Variants in RNF13 observed in about 807,000 individuals in gnomAD.
The protein encoded by RNF13 is E3 ubiquitin-protein ligase RNF13.
In RNF13, 19 loss-of-function variants were observed where a neutral mutation model predicts 37.7. The ratio of observed to expected loss-of-function variants is 0.50; its 90% CI spans 0.35 to 0.74. RNF13 has a LOEUF of 0.74. RNF13 is among the 30% of genes least tolerant of loss of function. RNF13 has a pLI of 0.01. For missense variants in RNF13, 375 were observed against 453.0 expected, an observed-to-expected ratio of 0.83 and a Z score of 1.56; for synonymous variants, 144 against 157.8, an observed-to-expected ratio of 0.91 and a Z score of 0.65.
chr3:149,813,547 A>C (rs760737996), intron 1 of RNF13, among the ~76,000 whole-genome samples, 194 bp downstream of exon 1: 1 of 152,144 alleles, frequency 6.6e-6, no homozygotes, highest in Non-Finnish European at 1.5e-5. Flanking sequence ...CGGGGGACCG[A>C]GTCTCCCCTG....
intron 1 of RNF13, among the ~76,000 whole-genome samples, chr3:149,824,400 A>T (rs1435740385): frequency 6.6e-6 from 1 of 152,242 alleles, no homozygotes; most frequent in Admixed American, 6.5e-5. Context: ...GTCCTTAAAA[A>T]TGGAAGAGGG....
chr3:149,865,422 A>C (rs919827893), intron 3 of RNF13, among the ~76,000 whole-genome samples: 71 of 151,550 alleles, frequency 4.7e-4, no homozygotes, highest in African/African-American at 1.7e-3. Context: ...TATTTAAGAT[A>C]TAACCTCAAA....
intron 1 of RNF13, among the ~76,000 whole-genome samples, chr3:149,835,671 G>A (rs1477403889): frequency 6.7e-6 from 1 of 148,368 alleles, no homozygotes; most frequent in East Asian, 2.1e-4. Flanking sequence ...GTGTGTTTGT[G>A]TGTGTGTGTG....
At chr3:149,941,660 G>A (rs1339153002) in intron 8 of RNF13, among the ~76,000 whole-genome samples, 1 of 150,940 alleles carries the variant, frequency 6.6e-6, no homozygotes, top group Non-Finnish European at 1.5e-5. Flanking sequence ...TCACTCTGTC[G>A]ATCATGTCTG....
At chr3:149,903,937 ATCTGTCTGTCTG>A (rs34025145) in intron 6 of RNF13, among the ~76,000 whole-genome samples, 2,460 of 148,472 alleles carry the variant, frequency 0.017, 63 homozygotes, top group African/African-American at 0.059. Flanking sequence ...ATATCTGTCT[ATCTGTCTGTCTG>A]TCTGTCTGTC....
chr3:149,939,411 CTCT>C (rs767291919), intron 8 of RNF13: 45 of 525,812 alleles, frequency 8.6e-5, no homozygotes, highest in Non-Finnish European at 1.5e-4. Context: ...TCACATACTC[CTCT>C]TCTTCATCTT....
intron 1 of RNF13, among the ~76,000 whole-genome samples, chr3:149,838,309 C>T (rs891349252): frequency 6.6e-6 from 1 of 152,206 alleles, no homozygotes; most frequent in African/African-American, 2.4e-5. Flanking sequence ...CCTCTTCTCA[C>T]AGCTCCACCA....
At chr3:149,912,501 A>T (rs1284008859) in intron 7 of RNF13, among the ~76,000 whole-genome samples, 1 of 152,174 alleles carries the variant, frequency 6.6e-6, no homozygotes, top group Non-Finnish European at 1.5e-5. Flanking sequence ...TGCATGCCAA[A>T]GTATTTTAGG....
At chr3:149,909,669 G>A (rs1442452416) in intron 6 of RNF13, among the ~76,000 whole-genome samples, 1 of 151,976 alleles carries the variant, frequency 6.6e-6, no homozygotes, top group Non-Finnish European at 1.5e-5. Context: ...ATAATGGAAA[G>A]CATTAATAGG....
intron 1 of RNF13, among the ~76,000 whole-genome samples, chr3:149,815,266 A>T (rs976334932): frequency 2.9e-4 from 44 of 152,334 alleles, no homozygotes; most frequent in Non-Finnish European, 1.5e-5. Context: ...CTTTGAGTTA[A>T]GTTGGCTAGG....
chr3:149,900,642 G>A (rs936447762), intron 5 of RNF13, among the ~76,000 whole-genome samples: 2 of 151,902 alleles, frequency 1.3e-5, no homozygotes, highest in African/African-American at 4.8e-5. Context: ...TGACATAACA[G>A]GATATCTGAG....
At chr3:149,869,620 G>A (rs1711778524) in intron 3 of RNF13, among the ~76,000 whole-genome samples, 1 of 151,422 alleles carries the variant, frequency 6.6e-6, no homozygotes, top group Admixed American at 6.6e-5. Context: ...AAAAAAAAAA[G>A]TTCACATATT....
chr3:149,845,896 A>G (rs1206160486), intron 1 of RNF13, 115 bp from the exon 2 acceptor site: 1 of 574,724 alleles, frequency 1.7e-6, no homozygotes, highest in Non-Finnish European at 3.1e-6. Flanking sequence ...TTTTAATGTT[A>G]ATACATGTTT....
chr3:149,823,798 C>T (rs1720225143), intron 1 of RNF13, among the ~76,000 whole-genome samples: 1 of 152,086 alleles, frequency 6.6e-6, no homozygotes, highest in Non-Finnish European at 1.5e-5. Context: ...CTTTGGAAGA[C>T]ATTATATTAT....
chr3:149,812,769 GC>G (rs954263910), upstream of RNF13: 15 of 152,766 alleles, frequency 9.8e-5, no homozygotes, highest in African/African-American at 3.6e-4. Flanking sequence ...CCAGGGCCAG[GC>G]CCGCCCGGGG....
intron 3 of RNF13, among the ~76,000 whole-genome samples, chr3:149,869,011 TGTA>T (rs1318486928): frequency 6.6e-6 from 1 of 151,818 alleles, no homozygotes; most frequent in Non-Finnish European, 1.5e-5. Context: ...TTCTTTATCT[TGTA>T]GGAGATCTTT....
At chr3:149,882,052 C>T (rs186076510) in intron 4 of RNF13, among the ~76,000 whole-genome samples, 72 of 151,392 alleles carry the variant, frequency 4.8e-4, no homozygotes, top group African/African-American at 1.7e-3. Flanking sequence ...TGGAGGAAGT[C>T]CAGAATAACT....
At chr3:149,820,581 G>A (rs1719916455) in intron 1 of RNF13, among the ~76,000 whole-genome samples, 1 of 152,142 alleles carries the variant, frequency 6.6e-6, no homozygotes. Flanking sequence ...CCCTCAAAGA[G>A]GAAGAGCTGC....
intron 2 of RNF13, among the ~76,000 whole-genome samples, chr3:149,849,207 G>T (rs1331587931): frequency 6.6e-6 from 1 of 152,208 alleles, no homozygotes; most frequent in African/African-American, 2.4e-5. Context: ...GAGACTCAGA[G>T]TCCACAAGTG....
Sources: gnomAD v4.1 joint callset for allele counts (sites outside exome capture counted in the v4.1 genomes callset) on GRCh38, gnomAD v4.1.1 for gene constraint, MANE v1.5 for transcripts, NCBI Gene and HGNC (gene_info 2026-07-23, HGNC 2026-07-21) for gene names.